The following MYO1E variants were observed in gnomAD, a reference collection of about 807,000 sequenced individuals.
MYO1E encodes the protein myosin IE, also known as unconventional myosin-Ie.
Under a neutral mutation model 151.1 loss-of-function variants are expected in MYO1E, and 68 were observed. The ratio of observed to expected loss-of-function variants is 0.45; its 90% CI spans 0.37 to 0.55. MYO1E has a LOEUF of 0.55. Ranked by LOEUF, MYO1E falls within the 20% of genes least tolerant of loss-of-function variation. The probability of loss-of-function intolerance (pLI) is 0.00; values close to 1 mark genes in which losing one functional copy is unlikely to be tolerated. For synonymous variants in MYO1E, 601 were observed against 501.7 expected (o/e 1.20, Z -2.64); for missense variants, 1,363 against 1,389.3 (o/e 0.98, Z 0.30).
intron 1 of MYO1E, among the ~76,000 whole-genome samples, chr15:59,342,227 A>AT (rs2080769908): frequency 1.3e-5 from 2 of 152,026 alleles, no homozygotes; most frequent in Non-Finnish European, 2.9e-5. Context: ...ATCAGATTAG[A>AT]TTTTTTCCTA....
chr15:59,179,802 G>A (rs1176508677), intron 18 of MYO1E, among the ~76,000 whole-genome samples: 6 of 152,210 alleles, frequency 3.9e-5, no homozygotes, highest in African/African-American at 1.4e-4. Context: ...TTATGTCAGA[G>A]GCTGATATAA....
At chr15:59,344,101 G>A (rs1193809727) in intron 1 of MYO1E, among the ~76,000 whole-genome samples, 1 of 152,190 alleles carries the variant, frequency 6.6e-6, no homozygotes, top group East Asian at 1.9e-4. Flanking sequence ...GAAGAGTTAA[G>A]AATTTATTGT....
At chr15:59,363,448 T>C (rs2080896910) in intron 1 of MYO1E, among the ~76,000 whole-genome samples, 1 of 152,190 alleles carries the variant, frequency 6.6e-6, no homozygotes, top group Non-Finnish European at 1.5e-5. Flanking sequence ...CAACCAAAAT[T>C]GGTGATTTTC....
At chr15:59,140,090 G>C (rs1436311380) in intron 26 of MYO1E, among the ~76,000 whole-genome samples, 5 of 152,052 alleles carry the variant, frequency 3.3e-5, no homozygotes, top group African/African-American at 1.2e-4. Flanking sequence ...GTGTGTGTAT[G>C]GGGGTGGGTG....
At chr15:59,236,442 C>A in intron 5 of MYO1E, 143 bp downstream of exon 5, 1 of 590,356 alleles carries the variant, frequency 1.7e-6, no homozygotes. Flanking sequence ...ATATGCTATT[C>A]CTTTCCATTC....
chr15:59,154,281 C>A (rs1331411617), intron 25 of MYO1E, among the ~76,000 whole-genome samples: 8 of 152,196 alleles, frequency 5.3e-5, no homozygotes, highest in African/African-American at 1.9e-4. Flanking sequence ...CAATCTTGGG[C>A]ATCCACGGCA....
At chr15:59,160,335 G>A (rs2079530484) in intron 24 of MYO1E, among the ~76,000 whole-genome samples, 1 of 120,474 alleles carries the variant, frequency 8.3e-6, no homozygotes. Flanking sequence ...TTGAGGTAGT[G>A]CGTGTGTGTG....
chr15:59,310,735 A>G (rs1485828816), intron 1 of MYO1E, among the ~76,000 whole-genome samples: 1 of 150,894 alleles, frequency 6.6e-6, no homozygotes, highest in East Asian at 2.0e-4. Flanking sequence ...GTATCTAAAG[A>G]AAGGTGGGAA....
At chr15:59,351,400 G>C (rs1309320534) in intron 1 of MYO1E, among the ~76,000 whole-genome samples, 1 of 152,212 alleles carries the variant, frequency 6.6e-6, no homozygotes, top group African/African-American at 2.4e-5. Context: ...GCAGGAACAA[G>C]GCATGTAGGC....
At chr15:59,345,751 A>T (rs905270969) in intron 1 of MYO1E, among the ~76,000 whole-genome samples, 1 of 152,168 alleles carries the variant, frequency 6.6e-6, no homozygotes, top group South Asian at 2.1e-4. Context: ...GATGCTAAGG[A>T]TGTATAGAAT....
At chr15:59,158,563 GA>G (rs1373239772) in intron 24 of MYO1E, among the ~76,000 whole-genome samples, 184 bp from the exon 25 acceptor site, 1 of 152,220 alleles carries the variant, frequency 6.6e-6, no homozygotes, top group African/African-American at 2.4e-5. Context: ...TATTGGGTGG[GA>G]GGGGCTGGAG....
chr15:59,233,111 CT>C (rs1186517792), intron 5 of MYO1E, among the ~76,000 whole-genome samples: 2 of 151,660 alleles, frequency 1.3e-5, no homozygotes, highest in East Asian at 1.9e-4. Flanking sequence ...TTAACTCTTT[CT>C]ATCTTTTTTT....
intron 2 of MYO1E, among the ~76,000 whole-genome samples, chr15:59,270,514 G>T (rs1159258422): frequency 7.0e-6 from 1 of 143,480 alleles, no homozygotes; most frequent in African/African-American, 2.6e-5. Context: ...CTGCACTCCA[G>T]CCTGGGTGAC....
chr15:59,247,656 C>T (rs1054928760), intron 4 of MYO1E, among the ~76,000 whole-genome samples: 2 of 152,152 alleles, frequency 1.3e-5, no homozygotes, highest in African/African-American at 2.4e-5. Flanking sequence ...AGCCTTAGCC[C>T]TGGCTTTTAA....
At chr15:59,251,055 G>A (rs545478569) in intron 4 of MYO1E, among the ~76,000 whole-genome samples, 101 of 152,270 alleles carry the variant, frequency 6.6e-4, no homozygotes, top group Non-Finnish European at 1.0e-3. Context: ...AAGAGAAAGG[G>A]CAGAGGACTC....
intron 1 of MYO1E, among the ~76,000 whole-genome samples, chr15:59,330,082 A>G (rs1437673428): frequency 6.6e-6 from 1 of 152,170 alleles, no homozygotes; most frequent in East Asian, 1.9e-4. Context: ...CTGCATGTGG[A>G]TTTCTGTATT....
At position 59,169,414 on chromosome 15, in the gene MYO1E, C is replaced by T. The variant is rs187156237; in HGVS notation, c.2480+2483G>A. Reference sequence around the variant, plus strand: ...CACTCTGGGTTCGATTCTGCACACACATCACCCTCTGGTTGCTTTCCTAAC... The same window carrying T: ...CACTCTGGGTTCGATTCTGCACACATATCACCCTCTGGTTGCTTTCCTAAC... On this transcript the variant is annotated intron_variant, in intron 22 of 27. Transcript: ENST00000288235. Among the ~76,000 whole-genome samples, 4 of 152,346 alleles carry T rather than the reference C, an allele frequency of 2.6e-5. No homozygotes were observed. The East Asian group carries it at 7.7e-4, about 29-fold the overall frequency.
At chr15:59,202,918 G>T (rs191684442) in intron 15 of MYO1E, among the ~76,000 whole-genome samples, 1 of 152,226 alleles carries the variant, frequency 6.6e-6, no homozygotes, top group African/African-American at 2.4e-5. Context: ...GCTAATTCTT[G>T]TATTTTCTTT....
At position 59,262,775 on chromosome 15, in the gene MYO1E, A is replaced by C. The variant is rs186539703; in HGVS notation, c.148-1266T>G. On this transcript the variant is annotated intron_variant, in intron 2 of 27. Transcript: ENST00000288235. ...GGGAATACAAGATGGCCTCTCAGAG[A>C]GGCTATGCTTATGCTGGGCCTTAAA... is the stretch of plus-strand genomic sequence containing the variant. Among the ~76,000 whole-genome samples the C allele has an allele frequency of 5.4e-3, 826 of 152,324 alleles. 2 individuals are homozygous for C. The highest frequency in any genetic ancestry group is 9.3e-3 in the Non-Finnish European group (634 of 68,032).
Sources: gnomAD v4.1 joint callset for allele counts (sites outside exome capture counted in the v4.1 genomes callset) on GRCh38, gnomAD v4.1.1 for gene constraint, MANE v1.5 for transcripts, NCBI Gene and HGNC (gene_info 2026-07-23, HGNC 2026-07-21) for gene names.